OXSR1: variants seen among roughly 807,000 people sequenced by gnomAD.
OXSR1 encodes the protein serine/threonine-protein kinase OSR1.
Under a neutral mutation model 79.8 loss-of-function variants are expected in OXSR1, and 24 were observed. The ratio of observed to expected loss-of-function variants is 0.30; its 90% confidence interval spans 0.22 to 0.42. The LOEUF is 0.42. Ranked by LOEUF, OXSR1 falls within the 10% of genes least tolerant of loss-of-function variation. The pLI, the probability that OXSR1 is intolerant of heterozygous loss-of-function variation, is 1.00. For synonymous variants in OXSR1, 226 were observed against 209.2 expected (o/e 1.08, Z -0.69); for missense variants, 430 against 618.4 (o/e 0.70, Z 3.23).
At chr3:38,237,139 A>T (rs1399946838) in intron 11 of OXSR1, among the ~76,000 whole-genome samples, 178 bp downstream of exon 11, 2 of 152,086 alleles carry the variant, frequency 1.3e-5, no homozygotes, top group Non-Finnish European at 2.9e-5. Flanking sequence ...TGAATATGAT[A>T]ATATTTAGAG....
intron 2 of OXSR1, among the ~76,000 whole-genome samples, chr3:38,185,147 C>T (rs1422992907): frequency 6.6e-6 from 1 of 151,554 alleles, no homozygotes; most frequent in Non-Finnish European, 1.5e-5. Flanking sequence ...ATACGACTTA[C>T]ACATATAACT....
intron 5 of OXSR1, among the ~76,000 whole-genome samples, chr3:38,219,545 C>T (rs181517077): frequency 6.6e-6 from 1 of 152,148 alleles, no homozygotes; most frequent in East Asian, 1.9e-4. Flanking sequence ...TCCTTAACAA[C>T]GACCTTGTTA....
intron 10 of OXSR1, among the ~76,000 whole-genome samples, chr3:38,232,939 C>G (rs1702840701): frequency 6.6e-6 from 1 of 152,124 alleles, no homozygotes; most frequent in Non-Finnish European, 1.5e-5. Context: ...AGCTTGAAAG[C>G]TACCATATAC....
At chr3:38,242,893 A>AAAT in intron 12 of OXSR1, 115 bp downstream of exon 12, 1 of 518,382 alleles carries the variant, frequency 1.9e-6, no homozygotes, top group Non-Finnish European at 3.5e-6. Context: ...GCAACTTTAT[A>AAAT]CCAATCGAAT....
rs1323378651 is a variant in OXSR1 at position 38,253,781 on chromosome 3, C to G, written c.*890C>G. 5.7e-6 allele frequency: 1 copy of G among 175,306 alleles called. No individual in the cohort carries two copies. Among genetic ancestry groups the G allele is most frequent in the Non-Finnish European group, 1.2e-5 (1 of 83,416 alleles). 10.9% of individuals were successfully genotyped at this position (175,306 alleles called of 1,614,324 possible). A position where few individuals can be genotyped will look rare whatever the true frequency, so the allele number is the denominator to read the frequency against. On this transcript the variant is annotated 3_prime_UTR_variant, in exon 18 of 18. Transcript: ENST00000311806. ...CCATGAAAATCAGTTCGCCTGGCCT[C>G]CAAGTCGTGAGGAAATGGGTATGCA...
chr3:38,178,796 G>A (rs971918469), intron 1 of OXSR1, among the ~76,000 whole-genome samples: 3 of 151,454 alleles, frequency 2.0e-5, no homozygotes, highest in African/African-American at 7.3e-5. Context: ...AATTTTTAAT[G>A]TTTGTAGCAC....
At position 38,255,364 on chromosome 3, in the gene OXSR1, C is replaced by G. The variant is rs1335284536; in HGVS notation, c.*2473C>G. ...ATGATGTACCAATAAGTGGAGATTC[C>G]TCCTTATGATGTATGCTAGGTTATG... On this transcript the variant is annotated 3_prime_UTR_variant, in exon 18 of 18. Transcript: ENST00000311806. 6.6e-6 allele frequency: 1 copy of G among 152,614 alleles called. No individual in the cohort carries two copies. The highest frequency in any genetic ancestry group is 2.4e-5 in the African/African-American group (1 of 41,434). 9.5% of individuals were successfully genotyped at this position (152,614 alleles called of 1,614,324 possible). A position where few individuals can be genotyped will look rare whatever the true frequency, so the allele number is the denominator to read the frequency against.
At chr3:38,192,609 A>G (rs972347389) in intron 3 of OXSR1, among the ~76,000 whole-genome samples, 3 of 152,240 alleles carry the variant, frequency 2.0e-5, no homozygotes, top group Non-Finnish European at 4.4e-5. Context: ...TTTATCTTGC[A>G]GTATATATAC....
At chr3:38,249,832 T>C in intron 14 of OXSR1, 134 bp from the exon 15 acceptor site, 1 of 657,514 alleles carries the variant, frequency 1.5e-6, no homozygotes, top group South Asian at 1.7e-5. Flanking sequence ...AGTGTGAACA[T>C]ATCTGAATAC....
chr3:38,178,474 C>T (rs947053376), intron 1 of OXSR1, among the ~76,000 whole-genome samples: 4 of 151,598 alleles, frequency 2.6e-5, no homozygotes, highest in African/African-American at 9.7e-5. Context: ...GAGTCTTGCT[C>T]TGTCACCCAG....
intron 4 of OXSR1, among the ~76,000 whole-genome samples, chr3:38,205,502 G>A (rs1229751800): frequency 1.3e-5 from 2 of 152,206 alleles, no homozygotes; most frequent in Non-Finnish European, 2.9e-5. Flanking sequence ...CCAGGAGTGT[G>A]TGAATAGCAG....
chr3:38,173,188 C>A (rs1287320174), intron 1 of OXSR1, among the ~76,000 whole-genome samples: 1 of 152,158 alleles, frequency 6.6e-6, no homozygotes. Context: ...ATTATTACTT[C>A]AAACAAAATA....
chr3:38,239,766 A>G (rs1445367330), intron 11 of OXSR1, among the ~76,000 whole-genome samples: 2 of 152,130 alleles, frequency 1.3e-5, no homozygotes, highest in African/African-American at 4.8e-5. Flanking sequence ...GTACTGTTTT[A>G]TCAGCTTAAT....
At chr3:38,217,591 A>G (rs920203059) in intron 5 of OXSR1, among the ~76,000 whole-genome samples, 3 of 151,754 alleles carry the variant, frequency 2.0e-5, no homozygotes, top group Non-Finnish European at 2.9e-5. Context: ...GCAGTGGTGC[A>G]CTCTTGGCTC....
rs1703297520 is a variant in OXSR1, at chr3:38,253,282, A to G, written c.*391A>G. ...TCCTGCCTGTTCCCCCACACCTGCC[A>G]GGATATGGACATCTTGGGATATCTC... On this transcript the variant is annotated 3_prime_UTR_variant, in exon 18 of 18. Coordinates refer to ENST00000311806, the MANE Select transcript of OXSR1 (RefSeq NM_005109.3). 5.2e-6 allele frequency: 1 copy of G among 193,560 alleles called. No individual in the cohort carries two copies. The highest frequency in any genetic ancestry group is 1.1e-5 in the Non-Finnish European group (1 of 94,026). 12.0% of individuals were successfully genotyped at this position (193,560 alleles called of 1,614,324 possible). A position where few individuals can be genotyped will look rare whatever the true frequency, so the allele number is the denominator to read the frequency against.
At chr3:38,200,227 C>T (rs1702139634) in intron 4 of OXSR1, among the ~76,000 whole-genome samples, 1 of 152,116 alleles carries the variant, frequency 6.6e-6, no homozygotes. Flanking sequence ...TGGGCTGCCC[C>T]TTTTCTGCTT....
chr3:38,217,382 C>T (rs1702502739), intron 5 of OXSR1, among the ~76,000 whole-genome samples: 1 of 152,146 alleles, frequency 6.6e-6, no homozygotes, highest in African/African-American at 2.4e-5. Flanking sequence ...ACTTTTGCTC[C>T]TAGGTGTATA....
chr3:38,242,626 A>G (rs544043800), intron 11 of OXSR1, 117 bp from the exon 12 acceptor site: 2 of 536,642 alleles, frequency 3.7e-6, no homozygotes, highest in Admixed American at 3.0e-5. Flanking sequence ...TGGTGAGTTA[A>G]TATATGGATC....
chr3:38,193,202 A>C (rs945960629), intron 3 of OXSR1: 2 of 1,074,854 alleles, frequency 1.9e-6, no homozygotes, highest in East Asian at 1.2e-4. Context: ...AAGAAATTTT[A>C]GTCATTAATA....
Sources: gnomAD v4.1 joint callset for allele counts (sites outside exome capture counted in the v4.1 genomes callset) on GRCh38, gnomAD v4.1.1 for gene constraint, MANE v1.5 for transcripts, NCBI Gene and HGNC (gene_info 2026-07-23, HGNC 2026-07-21) for gene names.